GRIN2A: variants seen among roughly 807,000 people sequenced by gnomAD.
GRIN2A encodes the protein glutamate ionotropic receptor NMDA type subunit 2A.
Under a neutral mutation model 113.4 loss-of-function variants are expected in GRIN2A, and 22 were observed. The ratio of observed to expected loss-of-function variants is 0.19; its 90% CI spans 0.14 to 0.28. GRIN2A has a LOEUF of 0.28. GRIN2A is among the 10% of genes least tolerant of loss of function. The pLI is 1.00. For missense variants in GRIN2A, 1,502 were observed against 1,887.0 expected, an observed-to-expected ratio of 0.80 and a Z score of 3.78; for synonymous variants, 827 against 738.4, an observed-to-expected ratio of 1.12 and a Z score of -1.94.
At chr16:10,034,535 C>CAAAAAAAAAAAAAAAAAAA (rs58076569) in intron 2 of GRIN2A, among the ~76,000 whole-genome samples, 2 of 36,430 alleles carry the variant, frequency 5.5e-5, no homozygotes, top group African/African-American at 2.2e-4. Context: ...CAAAAAAAAG[C>CAAAAAAAAAAAAAAAAAAA]AAAAAAAAAA....
intron 2 of GRIN2A, among the ~76,000 whole-genome samples, chr16:10,022,391 T>C (rs1007771329): frequency 1.3e-5 from 2 of 152,066 alleles, no homozygotes; most frequent in Admixed American, 6.6e-5. Context: ...TGTTCCTCCA[T>C]GTCCCACCTT....
intron 12 of GRIN2A, 98 bp downstream of exon 12, chr16:9,768,753 T>A (rs1011986618): frequency 6.0e-6 from 5 of 835,430 alleles, no homozygotes; most frequent in Non-Finnish European, 1.1e-5. Flanking sequence ...GAAAGGCTGG[T>A]AAGGGGAGGA....
At chr16:9,801,098 T>G (rs1903335251) in intron 10 of GRIN2A, among the ~76,000 whole-genome samples, 1 of 152,208 alleles carries the variant, frequency 6.6e-6, no homozygotes, top group Admixed American at 6.5e-5. Context: ...GAGACACTTG[T>G]TCAGCTGTGG....
intron 8 of GRIN2A, among the ~76,000 whole-genome samples, chr16:9,831,200 C>T (rs2042485995): frequency 1.3e-5 from 2 of 152,170 alleles, no homozygotes; most frequent in South Asian, 4.2e-4. Context: ...ACAACTGATG[C>T]CATCCTTTAC....
intron 2 of GRIN2A, among the ~76,000 whole-genome samples, chr16:10,170,880 TAAAA>T (rs34463380): frequency 1.5e-4 from 22 of 143,644 alleles, no homozygotes; most frequent in African/African-American, 5.4e-4. Context: ...CTGTTTTCTT[TAAAA>T]AAAAAAAAAA....
At chr16:10,167,677 C>T (rs1428199403) in intron 2 of GRIN2A, among the ~76,000 whole-genome samples, 1 of 152,156 alleles carries the variant, frequency 6.6e-6, no homozygotes, top group Non-Finnish European at 1.5e-5. Flanking sequence ...TCTCTGAATG[C>T]TCTATTGTAT....
chr16:9,924,545 T>G (rs2044420077), intron 3 of GRIN2A, among the ~76,000 whole-genome samples: 1 of 152,246 alleles, frequency 6.6e-6, no homozygotes, highest in African/African-American at 2.4e-5. Context: ...GTCTTCATAT[T>G]TCTCATTCTC....
intron 2 of GRIN2A, among the ~76,000 whole-genome samples, chr16:9,948,466 C>A (rs1338468869): frequency 3.3e-5 from 5 of 152,182 alleles, no homozygotes; most frequent in Non-Finnish European, 5.9e-5. Flanking sequence ...TGCCCAATAT[C>A]ATGCTGCAAG....
At chr16:10,139,571 G>C (rs1326692504) in intron 2 of GRIN2A, among the ~76,000 whole-genome samples, 1 of 152,176 alleles carries the variant, frequency 6.6e-6, no homozygotes, top group Admixed American at 6.5e-5. Context: ...AGAGTAGTAA[G>C]GCCTTGGATG....
rs1900528664 is a variant in GRIN2A, at chr16:9,760,374, A to ATTTTGTTTTT, written c.*2774_*2775insAAAAACAAAA. The ATTTTGTTTTT allele has an allele frequency of 2.2e-5, 2 of 89,550 alleles. No homozygotes were observed. Among genetic ancestry groups the ATTTTGTTTTT allele is most frequent in the African/African-American group, 5.0e-5 (1 of 20,090 alleles). 5.5% of individuals were successfully genotyped at this position (89,550 alleles called of 1,614,324 possible). On this transcript the variant is annotated 3_prime_UTR_variant, in exon 13 of 13. Coordinates refer to ENST00000330684, the MANE Select transcript of GRIN2A (RefSeq NM_001134407.3). ...AAATTGACCATCTGATCAGTAGTTG[A>ATTTTGTTTTT]TTTTTTTTTTTTTTTTTTTTTTTTG... is the stretch of plus-strand genomic sequence containing the variant.
intron 3 of GRIN2A, among the ~76,000 whole-genome samples, chr16:9,900,048 CACA>C (rs2043888377): frequency 6.6e-6 from 1 of 152,200 alleles, no homozygotes; most frequent in Admixed American, 6.5e-5. Flanking sequence ...TAATGAGATA[CACA>C]ACGTGATAAA....
chr16:9,805,169 A>G (rs2041942304), intron 10 of GRIN2A, among the ~76,000 whole-genome samples: 2 of 152,202 alleles, frequency 1.3e-5, no homozygotes, highest in East Asian at 3.9e-4. Flanking sequence ...ACCCCACAGT[A>G]GAGGCATGGA....
chr16:10,169,597 T>G (rs1368143407), intron 2 of GRIN2A, among the ~76,000 whole-genome samples: 2 of 152,200 alleles, frequency 1.3e-5, no homozygotes, highest in Admixed American at 1.3e-4. Flanking sequence ...GCAGCCATAT[T>G]GTGACTCAGA....
chr16:9,802,058 T>G (rs1473993167), intron 10 of GRIN2A, among the ~76,000 whole-genome samples: 2 of 151,988 alleles, frequency 1.3e-5, no homozygotes, highest in Non-Finnish European at 2.9e-5. Flanking sequence ...TATTAAAAAG[T>G]CAAAAAATAA....
At chr16:10,131,698 G>A (rs909198080) in intron 2 of GRIN2A, among the ~76,000 whole-genome samples, 5 of 152,178 alleles carry the variant, frequency 3.3e-5, no homozygotes, top group Non-Finnish European at 1.5e-5. Flanking sequence ...GGATTAGCCA[G>A]TTTAAGAGGT....
At chr16:10,027,370 T>TC (rs2046843825) in intron 2 of GRIN2A, among the ~76,000 whole-genome samples, 1 of 152,044 alleles carries the variant, frequency 6.6e-6, no homozygotes, top group Middle Eastern at 3.4e-3. Flanking sequence ...ATAGTGAATG[T>TC]CCCCCCCTGC....
chr16:9,790,326 G>T (rs1049096253), intron 11 of GRIN2A, among the ~76,000 whole-genome samples: 1 of 152,242 alleles, frequency 6.6e-6, no homozygotes, highest in Non-Finnish European at 1.5e-5. Flanking sequence ...GAGAACCTGG[G>T]TTTGAGCCCC....
At position 10,095,072 on chromosome 16, in the gene GRIN2A, G is replaced by T; in HGVS notation, c.414+84926C>A. The stretch of plus-strand genomic sequence containing the variant: ...TAGGACTGGTGAACTTGTAAGTAGA[G>T]GAAGAAGAGAGATTTCTCTCTCTCT... On this transcript the variant is annotated intron_variant, in intron 2 of 12. Transcript: ENST00000330684. 1.3e-5 allele frequency among the ~76,000 whole-genome samples: 2 copies of T among 151,988 alleles called. 1 individual carries two copies. The highest frequency in any genetic ancestry group is 3.9e-4 in the East Asian group (2 of 5,170).
Position 9,761,576 on chromosome 16 carries a change from T to A in GRIN2A, c.*1573A>T, listed in dbSNP as rs931311468. 7 of 228,996 alleles carry A rather than the reference T, an allele frequency of 3.1e-5. No individual in the cohort carries two copies. Among genetic ancestry groups the A allele is most frequent in the Admixed American group, 5.7e-5 (1 of 17,638 alleles). 14.2% of individuals were successfully genotyped at this position (228,996 alleles called of 1,614,324 possible). ...AATATTATTTGCTGGTTTTATGATA[T>A]TTAATTTTTAAACTAGAAAATCCTG... On this transcript the variant is annotated 3_prime_UTR_variant, in exon 13 of 13. Transcript: ENST00000330684.
Sources: allele counts gnomAD v4.1 joint callset (sites outside exome capture counted in the v4.1 genomes callset), GRCh38; gene constraint gnomAD v4.1.1; transcripts MANE v1.5; gene names NCBI Gene and HGNC (gene_info 2026-07-23, HGNC 2026-07-21).